KSR1: variants seen among roughly 807,000 people sequenced by gnomAD.
The protein encoded by KSR1 is kinase suppressor of ras.
KSR1 carries 35 observed loss-of-function variants against 92.9 expected under a neutral mutation model. The observed-to-expected ratio is 0.38, with a 90% CI of 0.29 to 0.50. KSR1 has a LOEUF of 0.50. Ranked by LOEUF, KSR1 falls within the 20% of genes least tolerant of loss-of-function variation. The probability of loss-of-function intolerance (pLI) is 0.94; values close to 1 mark genes in which losing one functional copy is unlikely to be tolerated. For missense variants in KSR1, 972 were observed against 1,158.5 expected (o/e 0.84, Z 2.34); for synonymous variants, 467 against 472.6 (o/e 0.99, Z 0.15).
intron 2 of KSR1, among the ~76,000 whole-genome samples, chr17:27,553,161 TA>T (rs2071459332): frequency 6.6e-6 from 1 of 152,202 alleles, no homozygotes. Context: ...GAAATGGGAA[TA>T]ACCCATGTGC....
chr17:27,485,140 G>C (rs909021579), intron 1 of KSR1, among the ~76,000 whole-genome samples: 1 of 152,148 alleles, frequency 6.6e-6, no homozygotes. Flanking sequence ...ACCAGCTCTC[G>C]GGCCATGGCT....
intron 2 of KSR1, among the ~76,000 whole-genome samples, chr17:27,566,212 C>T (rs967036336): frequency 8.5e-5 from 13 of 152,288 alleles, no homozygotes; most frequent in Admixed American, 7.2e-4. Flanking sequence ...GCATCCTGGA[C>T]ATCCTGGGTG....
intron 11 of KSR1, among the ~76,000 whole-genome samples, chr17:27,601,662 A>G (rs10401052): frequency 0.15 from 22,282 of 152,254 alleles, 1,806 homozygotes; most frequent in Admixed American, 0.23. Context: ...GACTGCAGGC[A>G]ACCTTTTCAA....
intron 5 of KSR1, 24 bp from the exon 6 acceptor site, chr17:27,588,440 TCCTCAGCCTGC>T: frequency 6.5e-7 from 1 of 1,549,400 alleles, no homozygotes; most frequent in Non-Finnish European, 8.7e-7. Context: ...CCTGCGGAGT[TCCTCAGCCTGC>T]CCATCCGGCC....
At chr17:27,548,143 C>T (rs1263818373) in intron 1 of KSR1, among the ~76,000 whole-genome samples, 1 of 151,310 alleles carries the variant, frequency 6.6e-6, no homozygotes, top group Non-Finnish European at 1.5e-5. Context: ...CGCCTGTAAT[C>T]CCAGGACTTT....
chr17:27,567,026 C>G (rs905731891), intron 2 of KSR1, among the ~76,000 whole-genome samples: 7 of 152,294 alleles, frequency 4.6e-5, no homozygotes, highest in African/African-American at 1.4e-4. Flanking sequence ...GGCCCTGTTA[C>G]TCAGGGCTTG....
At chr17:27,590,030 G>C (rs2073108631) in intron 6 of KSR1, among the ~76,000 whole-genome samples, 2 of 152,146 alleles carry the variant, frequency 1.3e-5, no homozygotes, top group African/African-American at 2.4e-5. Flanking sequence ...AATTTATGTA[G>C]AGCAAAATGC....
At chr17:27,588,657 C>A in intron 6 of KSR1, 122 bp downstream of exon 6, 1 of 866,220 alleles carries the variant, frequency 1.2e-6, no homozygotes, top group Non-Finnish European at 1.7e-6. Flanking sequence ...GTCCATTTCA[C>A]CTGTGGGACA....
chr17:27,582,981 C>T lies in KSR1; in HGVS notation c.856C>T (p.Pro286Ser), dbSNP rs1219712093. 1.2e-6 allele frequency: 2 copies of T among 1,608,368 alleles called. No individual in the cohort carries two copies. Among genetic ancestry groups the T allele is most frequent in the East Asian group, 4.5e-5 (2 of 44,716 alleles). Residue 286 changes from proline (P) to serine (S), a missense_variant, in exon 4 of 21, where the codon CCA becomes TCA. By Grantham distance (74) the Pro-to-Ser change is moderately conservative. Around this residue, in one of 5 missense-constraint regions of KSR1, gnomAD observed 611 missense variants for 668.0 expected, o/e 0.91. Coordinates refer to ENST00000644974, the MANE Select transcript of KSR1 (RefSeq NM_001394583.1). The part of the protein sequence containing the change: ...QLRRHTKLKP[P>S]RTPPPPSRKV... The stretch of plus-strand genomic sequence containing the variant: ...GCGACGGCACACCAAGCTGAAGCCA[C>T]CACGGACGCCCCCCCCACCCAGCCG...
intron 1 of KSR1, among the ~76,000 whole-genome samples, chr17:27,499,358 G>A (rs2008050): frequency 0.89 from 135,807 of 152,192 alleles, 60,697 homozygotes; most frequent in East Asian, 1. Context: ...CCATCACAGG[G>A]TGGTTTTATC....
chr17:27,457,333 TC>T, intron 1 of KSR1, among the ~76,000 whole-genome samples: 4 of 152,334 alleles, frequency 2.6e-5, no homozygotes, highest in Admixed American at 2.6e-4. Flanking sequence ...CCAGACGCCG[TC>T]CTGTCCCTTC....
At chr17:27,595,729 G>A (rs1367578117) in intron 9 of KSR1, among the ~76,000 whole-genome samples, 2 of 148,182 alleles carry the variant, frequency 1.3e-5, no homozygotes, top group African/African-American at 5.0e-5. Flanking sequence ...CATTTCTAGT[G>A]CAGCAGCCCT....
intron 2 of KSR1, among the ~76,000 whole-genome samples, chr17:27,572,497 A>G (rs2072349479): frequency 6.6e-6 from 1 of 152,158 alleles, no homozygotes; most frequent in African/African-American, 2.4e-5. Context: ...GGTTCTCCAG[A>G]ACTTTGGGGT....
At chr17:27,592,319 C>T (rs144807071) in intron 7 of KSR1, 42 bp from the exon 8 acceptor site, 3 of 1,564,252 alleles carry the variant, frequency 1.9e-6, no homozygotes, top group Non-Finnish European at 8.8e-7. Flanking sequence ...CCTGAGCCCC[C>T]CCATGTGGTG....
At chr17:27,460,413 T>C (rs2019377691) in intron 1 of KSR1, among the ~76,000 whole-genome samples, 2 of 152,154 alleles carry the variant, frequency 1.3e-5, no homozygotes. Context: ...CTCCCCACCT[T>C]GTGTTCTTGT....
chr17:27,542,846 A>G (rs1381030677), intron 1 of KSR1, among the ~76,000 whole-genome samples: 1 of 152,216 alleles, frequency 6.6e-6, no homozygotes, highest in Non-Finnish European at 1.5e-5. Flanking sequence ...GGCATGTATT[A>G]TATTTTCTCT....
intron 1 of KSR1, among the ~76,000 whole-genome samples, chr17:27,503,146 A>G (rs1338684305): frequency 1.3e-5 from 2 of 152,192 alleles, no homozygotes; most frequent in Admixed American, 1.3e-4. Flanking sequence ...GGGTGATGTC[A>G]TTATTTTCTT....
At chr17:27,465,356 A>G (rs536074760) in intron 1 of KSR1, 1 of 152,202 alleles carries the variant, frequency 6.6e-6, no homozygotes, top group African/African-American at 2.4e-5. Flanking sequence ...CCATTTTTCT[A>G]ATCTCCGGAT....
chr17:27,483,981 C>G (rs961565886), intron 1 of KSR1: 1 of 152,216 alleles, frequency 6.6e-6, no homozygotes. Flanking sequence ...ATGGGAATTC[C>G]TAGATGGAGA....
Sources: gnomAD v4.1 joint callset for allele counts (sites outside exome capture counted in the v4.1 genomes callset) on GRCh38, gnomAD v4.1.1 for gene constraint, gnomAD v4.1.1 regional missense constraint, MANE v1.5 for transcripts, NCBI Gene and HGNC (gene_info 2026-07-23, HGNC 2026-07-21) for gene names.